The following AGBL4 variants were observed in gnomAD, a reference collection of about 807,000 sequenced individuals.
AGBL4 encodes cytosolic carboxypeptidase 6.
In AGBL4, 58 loss-of-function variants were observed where a neutral mutation model predicts 66.4. The ratio of observed to expected loss-of-function variants is 0.87; its 90% CI spans 0.71 to 1.09. The LOEUF is 1.09. AGBL4 is among the 50% of genes least tolerant of loss of function. AGBL4 has a pLI of 0.00. For missense variants in AGBL4, 579 were observed against 631.0 expected (o/e 0.92, Z 0.88); for synonymous variants, 234 against 222.9 (o/e 1.05, Z -0.44).
rs961433439 is a variant in AGBL4, at chr1:49,774,770, C to A, written c.157+76626G>T. 2.6e-5 allele frequency among the ~76,000 whole-genome samples: 4 copies of A among 152,156 alleles called. No homozygotes were observed. In the South Asian group the frequency reaches 6.2e-4, roughly 24 times the overall value. On this transcript the variant is annotated intron_variant, in intron 2 of 13. Coordinates refer to ENST00000371839, the MANE Select transcript of AGBL4 (RefSeq NM_032785.4). Reference sequence around the variant, plus strand: ...ATCCAGTATAAAGGTATGAAGAAATCGAAATTCTCATTAACTGTTGTTAAG... The same window carrying A: ...ATCCAGTATAAAGGTATGAAGAAATAGAAATTCTCATTAACTGTTGTTAAG...
rs1355570164 is a variant in AGBL4, at chr1:49,823,110, T to C, written c.157+28286A>G. ...CTGAATCATCATGTAGAATGAATAC[T>C]TACCTGTCTTGGACTGTTATATGAC... On this transcript the variant is annotated intron_variant, in intron 2 of 13. Coordinates refer to ENST00000371839, the MANE Select transcript of AGBL4 (RefSeq NM_032785.4). Among the ~76,000 whole-genome samples the C allele has an allele frequency of 2.0e-5, 3 of 152,206 alleles. No homozygotes were observed. In the East Asian group the frequency reaches 5.8e-4, roughly 29 times the overall value.
At chr1:49,989,940 T>C (rs909683765) in intron 1 of AGBL4, among the ~76,000 whole-genome samples, 9 of 152,150 alleles carry the variant, frequency 5.9e-5, no homozygotes, top group Admixed American at 5.9e-4. Flanking sequence ...TTCAATTACA[T>C]AATTTTCCAT....
At chr1:49,713,802 AT>A (rs879887510) in intron 2 of AGBL4, among the ~76,000 whole-genome samples, 46 of 151,038 alleles carry the variant, frequency 3.0e-4, no homozygotes, top group Admixed American at 7.3e-4. Context: ...AAGTCTCCTC[AT>A]TTTTTTTTAA....
intron 4 of AGBL4, among the ~76,000 whole-genome samples, chr1:49,231,228 C>T (rs776148121): frequency 5.9e-5 from 9 of 152,246 alleles, no homozygotes; most frequent in South Asian, 2.1e-4. Context: ...ATTGCTCAGT[C>T]GGTCAACAAG....
At chr1:48,602,542 C>T (rs114561940) in intron 9 of AGBL4, among the ~76,000 whole-genome samples, 15 of 152,228 alleles carry the variant, frequency 9.9e-5, no homozygotes, top group East Asian at 1.9e-4. Flanking sequence ...GAGCCTGCTG[C>T]GAGACAGCAG....
chr1:49,374,553 T>C (rs775329602), intron 3 of AGBL4, among the ~76,000 whole-genome samples: 17 of 152,108 alleles, frequency 1.1e-4, no homozygotes, highest in Non-Finnish European at 2.4e-4. Context: ...ACTCTGTCAA[T>C]GCACAGGAGA....
intron 3 of AGBL4, among the ~76,000 whole-genome samples, chr1:49,654,414 G>A (rs1646075248): frequency 6.6e-6 from 1 of 152,142 alleles, no homozygotes; most frequent in African/African-American, 2.4e-5. Context: ...ATTTGGGGTG[G>A]AGAGTTCTGT....
At chr1:48,737,394 T>C (rs1421088493) in intron 6 of AGBL4, among the ~76,000 whole-genome samples, 2 of 152,244 alleles carry the variant, frequency 1.3e-5, no homozygotes, top group Non-Finnish European at 2.9e-5. Flanking sequence ...TTCCAGTGTA[T>C]GGCTAAGTGT....
At chr1:49,663,545 G>A (rs942499813) in intron 3 of AGBL4, among the ~76,000 whole-genome samples, 1 of 152,142 alleles carries the variant, frequency 6.6e-6, no homozygotes, top group Admixed American at 6.6e-5. Context: ...CCAGGAATCT[G>A]CATTGAATTA....
chr1:49,651,624 C>G (rs894489424), intron 3 of AGBL4, among the ~76,000 whole-genome samples: 3 of 152,072 alleles, frequency 2.0e-5, no homozygotes, highest in African/African-American at 7.2e-5. Context: ...AGAGCCTTGG[C>G]CCCTGAAAGC....
In AGBL4 at chr1:49,266,020, C is replaced by G. The variant is rs1354051766; in HGVS notation, c.283-20156G>C. 3 of 152,068 alleles carry G rather than the reference C, an allele frequency of 2.0e-5. No individual in the cohort carries two copies. The East Asian group carries it at 5.8e-4, about 29-fold the overall frequency. 9.4% of individuals were successfully genotyped at this position (152,068 alleles called of 1,614,324 possible). ...CAAAAGCATGGAGTCTGGATAATCA[C>G]TATGTGAAAAACGAATCCTTATCTA... On this transcript the variant is annotated intron_variant, in intron 3 of 13. Transcript: ENST00000371839.
chr1:48,896,400 G>A (rs184715321), intron 5 of AGBL4, among the ~76,000 whole-genome samples: 1 of 152,234 alleles, frequency 6.6e-6, no homozygotes, highest in Non-Finnish European at 1.5e-5. Context: ...TGAGAAGGCT[G>A]CTGTGATTAG....
At chr1:49,670,238 C>A (rs566206775) in intron 3 of AGBL4, among the ~76,000 whole-genome samples, 4 of 152,220 alleles carry the variant, frequency 2.6e-5, no homozygotes, top group African/African-American at 7.2e-5. Flanking sequence ...CCATCCCACT[C>A]CCCAGCTCCA....
intron 3 of AGBL4, among the ~76,000 whole-genome samples, chr1:49,468,774 A>T (rs1361931363): frequency 1.3e-5 from 2 of 151,864 alleles, no homozygotes; most frequent in Non-Finnish European, 2.9e-5. Context: ...ATTTTTTGCA[A>T]ATTTGACTCC....
At chr1:49,052,804 T>G (rs1644243956) in intron 4 of AGBL4, among the ~76,000 whole-genome samples, 1 of 152,172 alleles carries the variant, frequency 6.6e-6, no homozygotes, top group African/African-American at 2.4e-5. Context: ...ATATTTTGAA[T>G]GAATGAGTAA....
intron 3 of AGBL4, among the ~76,000 whole-genome samples, chr1:49,654,591 A>G (rs1646079894): frequency 1.3e-5 from 2 of 152,156 alleles, no homozygotes; most frequent in Non-Finnish European, 2.9e-5. Flanking sequence ...GACTTGCTTT[A>G]TGAATCTGGG....
intron 6 of AGBL4, among the ~76,000 whole-genome samples, chr1:48,758,034 A>G (rs535104471): frequency 6.6e-6 from 1 of 152,314 alleles, no homozygotes; most frequent in Non-Finnish European, 1.5e-5. Context: ...CGGCAGTCAA[A>G]GCTGCTGCCT....
intron 3 of AGBL4, among the ~76,000 whole-genome samples, chr1:49,638,591 T>C (rs1316450114): frequency 6.6e-6 from 1 of 152,122 alleles, no homozygotes; most frequent in Non-Finnish European, 1.5e-5. Flanking sequence ...GAATCATGGG[T>C]TCCAGTTTTC....
At chr1:49,392,175 TATA>T (rs1331315175) in intron 3 of AGBL4, among the ~76,000 whole-genome samples, 11 of 152,174 alleles carry the variant, frequency 7.2e-5, no homozygotes, top group Non-Finnish European at 1.6e-4. Context: ...TAAGTAAAAT[TATA>T]ATGATAGTTT....
Sources: allele counts gnomAD v4.1 joint callset (sites outside exome capture counted in the v4.1 genomes callset), GRCh38; gene constraint gnomAD v4.1.1; transcripts MANE v1.5; gene names NCBI Gene and HGNC (gene_info 2026-07-23, HGNC 2026-07-21).